The following GAD2 variants were observed in gnomAD, a reference collection of about 807,000 sequenced individuals.
GAD2 encodes glutamate decarboxylase 2, also known as 65 kDa glutamic acid decarboxylase.
Under a neutral mutation model 80.1 loss-of-function variants are expected in GAD2, and 22 were observed. The observed-to-expected ratio is 0.27, with a 90% CI of 0.20 to 0.39. The LOEUF (loss-of-function observed/expected upper bound fraction) is 0.39, where lower values mean the gene tolerates loss of function less well. Among genes scored for constraint, GAD2 ranks in the 10% least tolerant of loss-of-function variants. The probability of loss-of-function intolerance (pLI) is 1.00; values close to 1 mark genes in which losing one functional copy is unlikely to be tolerated. For missense variants in GAD2, 624 were observed against 738.4 expected (o/e 0.85, Z 1.80); for synonymous variants, 274 against 256.9 (o/e 1.07, Z -0.64).
intron 12 of GAD2, among the ~76,000 whole-genome samples, chr10:26,285,136 T>A (rs1396208405): frequency 1.3e-5 from 2 of 152,244 alleles, no homozygotes; most frequent in Non-Finnish European, 2.9e-5. Flanking sequence ...ACTGATCTAA[T>A]ACAAATACAT....
chr10:26,282,073 GCTGGGAATACAGGCACCCGCCACCACAC>G (rs1367592305), intron 12 of GAD2, among the ~76,000 whole-genome samples: 3 of 151,998 alleles, frequency 2.0e-5, no homozygotes, highest in Non-Finnish European at 2.9e-5. Context: ...CTCCCAAGTA[GCTGGGAATACAGGCACCCGCCACCACAC>G]CTGGCTAATT....
chr10:26,251,612 G>C (rs772640529), intron 8 of GAD2, among the ~76,000 whole-genome samples: 1 of 152,116 alleles, frequency 6.6e-6, no homozygotes, highest in Non-Finnish European at 1.5e-5. Flanking sequence ...TTCAGTGAAC[G>C]TCCTTATGCA....
At chr10:26,216,764 C>G (rs775389499), upstream of GAD2, 14 of 1,560,734 alleles carry the variant, frequency 9.0e-6, no homozygotes, top group South Asian at 1.4e-4. This position sits in a 1 kb window ranked among gnomAD's most constrained non-coding sequence, Gnocchi z 4.7. Context: ...AGGCAGCTCG[C>G]CCGCAGCTCG....
At chr10:26,297,286 A>G (rs952799785) in intron 15 of GAD2, among the ~76,000 whole-genome samples, 2 of 152,226 alleles carry the variant, frequency 1.3e-5, no homozygotes, top group Non-Finnish European at 2.9e-5. Context: ...AATTTCTCGC[A>G]GTCTTCCAAA....
intron 11 of GAD2, among the ~76,000 whole-genome samples, chr10:26,280,775 T>C (rs1438128675): frequency 6.6e-6 from 1 of 152,182 alleles, no homozygotes; most frequent in Non-Finnish European, 1.5e-5. Flanking sequence ...GTGGTCACTA[T>C]TTGGGTGCTG....
chr10:26,217,069 C>T lies in GAD2; in HGVS notation c.76+184C>T, dbSNP rs1726144897. ...TCAAGACCTCTACAGCCTCTTGTAC[C>T]CTGGGAAGACGCCCAAATAGTCTCA... On this transcript the variant is annotated intron_variant, in intron 1 of 15. Coordinates refer to ENST00000376261, the MANE Select transcript of GAD2 (RefSeq NM_001134366.2). The surrounding 1 kb of genome is among the most constrained non-coding windows in gnomAD (Gnocchi z 4.9). Among the ~76,000 whole-genome samples, 1 of 151,988 alleles carries T rather than the reference C, an allele frequency of 6.6e-6. No homozygotes were observed. Among genetic ancestry groups the T allele is most frequent in the Non-Finnish European group, 1.5e-5 (1 of 68,000 alleles).
chr10:26,225,012 A>T (rs1293393406), intron 6 of GAD2, among the ~76,000 whole-genome samples: 1 of 152,240 alleles, frequency 6.6e-6, no homozygotes, highest in African/African-American at 2.4e-5. Flanking sequence ...GTGAAAGGAA[A>T]TGGGTAGCCT....
chr10:26,284,520 T>G (rs1474680793), intron 12 of GAD2, among the ~76,000 whole-genome samples: 1 of 151,854 alleles, frequency 6.6e-6, no homozygotes, highest in Non-Finnish European at 1.5e-5. Flanking sequence ...ACAGCATCAC[T>G]TTTGCTTGTC....
intron 14 of GAD2, 113 bp from the exon 15 acceptor site, chr10:26,292,789 T>A: frequency 1.0e-6 from 1 of 963,352 alleles, no homozygotes; most frequent in Non-Finnish European, 1.6e-6. Flanking sequence ...AATTCCTGAT[T>A]GAAAAGTGGG....
At chr10:26,293,559 C>A (rs1054867416) in intron 15 of GAD2, among the ~76,000 whole-genome samples, 1 of 152,158 alleles carries the variant, frequency 6.6e-6, no homozygotes, top group Non-Finnish European at 1.5e-5. Flanking sequence ...CAGGCGATAA[C>A]CTTTGCTGGC....
In GAD2 at chr10:26,283,866, A is replaced by G. The variant is rs145204459; in HGVS notation, c.1237-2479A>G. Among the ~76,000 whole-genome samples, 44 of 152,352 alleles carry G rather than the reference A, an allele frequency of 2.9e-4. 2 individuals carry two copies. The highest frequency in any genetic ancestry group is 1.0e-3 in the African/African-American group (42 of 41,576). ...GCATCAGAAGGACCTACCGACTGGC[A>G]ATTTGATGTTACCGTTGAGGCTGTG... On this transcript the variant is annotated intron_variant, in intron 12 of 15. Coordinates refer to ENST00000376261, the MANE Select transcript of GAD2 (RefSeq NM_001134366.2).
Position 26,304,297 on chromosome 10 carries a change from C to T in GAD2, c.*3336C>T, listed in dbSNP as rs1224769883. ...AACTGGGTATCATTTTGCACGTGCT[C>T]TTCTGTTCTCAAATGCTAAATGCAA... On this transcript the variant is annotated 3_prime_UTR_variant, in exon 16 of 16. Coordinates refer to ENST00000376261, the MANE Select transcript of GAD2 (RefSeq NM_001134366.2). 6.6e-6 allele frequency: 1 copy of T among 152,588 alleles called. No homozygotes were observed. Among genetic ancestry groups the T allele is most frequent in the Non-Finnish European group, 1.5e-5 (1 of 68,038 alleles). 9.5% of individuals were successfully genotyped at this position (152,588 alleles called of 1,614,324 possible).
At position 26,217,639 on chromosome 10, in the gene GAD2, T is replaced by A; in HGVS notation, c.106T>A (p.Phe36Ile). 1.2e-6 allele frequency: 2 copies of A among 1,613,732 alleles called. No individual in the cohort carries two copies. Among genetic ancestry groups the A allele is most frequent in the Non-Finnish European group, 1.7e-6 (2 of 1,179,848 alleles). ...AGCCTGGTGCCAAGTGGCTCAGAAG[T>A]TCACGGGCGGCATCGGAAACAAACT... ...ARAWCQVAQK[F>I]TGGIGNKLCA... Residue 36 changes from phenylalanine (F) to isoleucine (I), a missense_variant, in exon 2 of 16, where the codon TTC becomes ATC. By Grantham distance (21) the Phe-to-Ile change is conservative. Transcript: ENST00000376261. The surrounding 1 kb of genome is among the most constrained non-coding windows in gnomAD (Gnocchi z 4.9).
intron 7 of GAD2, among the ~76,000 whole-genome samples, chr10:26,241,998 T>A (rs1234928048): frequency 6.6e-6 from 1 of 152,180 alleles, no homozygotes; most frequent in African/African-American, 2.4e-5. Flanking sequence ...TGTTTGTTTT[T>A]GAGACAGAGT....
chr10:26,238,261 A>G (rs1045107628), intron 7 of GAD2, among the ~76,000 whole-genome samples: 3 of 152,194 alleles, frequency 2.0e-5, no homozygotes, highest in Non-Finnish European at 2.9e-5. Context: ...AGAGGACTTC[A>G]TCATTGCACC....
At chr10:26,259,641 T>A (rs1273124322) in intron 8 of GAD2, among the ~76,000 whole-genome samples, 1 of 152,192 alleles carries the variant, frequency 6.6e-6, no homozygotes, top group Non-Finnish European at 1.5e-5. Flanking sequence ...AAATATATTC[T>A]CCCATTCTGT....
At chr10:26,264,728 G>A (rs1038633251) in intron 8 of GAD2, among the ~76,000 whole-genome samples, 1 of 152,224 alleles carries the variant, frequency 6.6e-6, no homozygotes, top group Non-Finnish European at 1.5e-5. Context: ...GGATCGCACA[G>A]TTACTGCTTC....
intron 3 of GAD2, 150 bp downstream of exon 3, chr10:26,218,141 G>T: frequency 7.1e-6 from 6 of 850,964 alleles, no homozygotes; most frequent in Non-Finnish European, 8.8e-6. Flanking sequence ...ATAAAAGCGA[G>T]AAATGCGGGA....
At chr10:26,272,307 C>A (rs1446964995) in intron 10 of GAD2, among the ~76,000 whole-genome samples, 2 of 152,190 alleles carry the variant, frequency 1.3e-5, no homozygotes, top group East Asian at 3.9e-4. Context: ...GTAGACCTTG[C>A]TGGCTGATTC....
Sources: gnomAD v4.1 joint callset for allele counts (sites outside exome capture counted in the v4.1 genomes callset) on GRCh38, gnomAD v4.1.1 for gene constraint, Gnocchi (gnomAD v3.1) non-coding constraint, MANE v1.5 for transcripts, NCBI Gene and HGNC (gene_info 2026-07-23, HGNC 2026-07-21) for gene names.